Variants in PCDHGA6 observed in about 807,000 individuals in gnomAD.
The protein encoded by PCDHGA6 is protocadherin gamma-A6.
A neutral mutation model predicts 60.6 loss-of-function variants in PCDHGA6; 41 were observed. That is an observed-to-expected ratio of 0.68 (90% CI 0.53 to 0.88). The LOEUF is 0.88. Among genes scored for constraint, PCDHGA6 ranks in the 40% least tolerant of loss-of-function variants. The pLI is 0.00. For synonymous variants in PCDHGA6, 594 were observed against 524.4 expected, an observed-to-expected ratio of 1.13 and a Z score of -1.81; for missense variants, 1,312 against 1,203.0, an observed-to-expected ratio of 1.09 and a Z score of -1.34.
intron 1 of PCDHGA6, chr5:141,440,709 A>C (rs1351127132): frequency 1.3e-5 from 2 of 152,216 alleles, no homozygotes; most frequent in Non-Finnish European, 2.9e-5. Context: ...GTGGAAAGAC[A>C]TATGTTGATC....
chr5:141,381,823 CTTCTTT>C (rs1777514301), intron 1 of PCDHGA6, among the ~76,000 whole-genome samples: 1 of 101,610 alleles, frequency 9.8e-6, no homozygotes, highest in African/African-American at 4.3e-5. Flanking sequence ...TTTCTTTCTT[CTTCTTT>C]TTTTTTTTTT....
chr5:141,393,434 T>C (rs1554093883), intron 1 of PCDHGA6: 5 of 1,613,902 alleles, frequency 3.1e-6, no homozygotes, highest in South Asian at 1.1e-5. Flanking sequence ...AAGAGGCTGC[T>C]CACCACCTGG....
chr5:141,421,031 T>A, intron 1 of PCDHGA6: 1 of 529,760 alleles, frequency 1.9e-6, no homozygotes, highest in Non-Finnish European at 3.3e-6. Context: ...CGCCATTGAG[T>A]CCCTCCCTCC....
intron 1 of PCDHGA6, among the ~76,000 whole-genome samples, chr5:141,484,207 A>G (rs898823095): frequency 2.6e-5 from 4 of 152,218 alleles, no homozygotes; most frequent in Non-Finnish European, 5.9e-5. Context: ...ATCTATGAAC[A>G]TTAGCATTCT....
Position 141,485,943 on chromosome 5 carries a change from C to A in PCDHGA6, c.2425-8864C>A, listed in dbSNP as rs750871245. The A allele has an allele frequency of 1.9e-6, 3 of 1,614,126 alleles. No individual in the cohort carries two copies. Among genetic ancestry groups the A allele is most frequent in the Non-Finnish European group, 1.7e-6 (2 of 1,180,012 alleles). ...ATTAGTGTGTTGGAGAGCGCACCAG[C>A]GGGCATGGTGCTCATCCAGCTCAAT... is the stretch of plus-strand genomic sequence containing the variant. On this transcript the variant is annotated intron_variant, in intron 1 of 3. Coordinates refer to ENST00000517434, the MANE Select transcript of PCDHGA6 (RefSeq NM_018919.3). The surrounding 1 kb of genome is among the most constrained non-coding windows in gnomAD (Gnocchi z 5.7).
intron 1 of PCDHGA6, among the ~76,000 whole-genome samples, chr5:141,382,255 A>C (rs999860225): frequency 6.6e-6 from 1 of 152,204 alleles, no homozygotes. Flanking sequence ...ATCTTGCATC[A>C]TGGTGTCTAG....
At chr5:141,482,205 C>T (rs1478729653) in intron 1 of PCDHGA6, among the ~76,000 whole-genome samples, 1 of 151,896 alleles carries the variant, frequency 6.6e-6, no homozygotes, top group Non-Finnish European at 1.5e-5. Context: ...TAAAACAGAC[C>T]AGGTACTTGT....
intron 1 of PCDHGA6, chr5:141,433,284 C>T: frequency 8.5e-7 from 1 of 1,176,236 alleles, no homozygotes; most frequent in Non-Finnish European, 1.2e-6. Flanking sequence ...GCCTCAAACT[C>T]CTAGGCTCAA....
rs767330174 is a variant in PCDHGA6, at chr5:141,491,818, C to T, written c.2425-2989C>T. The T allele has an allele frequency of 1.6e-5, 24 of 1,481,560 alleles. No homozygotes were observed. The highest frequency in any genetic ancestry group is 1.9e-5 in the Non-Finnish European group (21 of 1,116,446). 91.8% of individuals were successfully genotyped at this position (1,481,560 alleles called of 1,614,324 possible). A position where few individuals can be genotyped will look rare whatever the true frequency, so the allele number is the denominator to read the frequency against. On this transcript the variant is annotated intron_variant, in intron 1 of 3. Transcript: ENST00000517434. This position sits in a 1 kb window ranked among gnomAD's most constrained non-coding sequence, Gnocchi z 6.9. ...CTCCGGCCGGCTTGGTCGCTGGCTGCGCTCCACCCGATTCTCGGGATCATT... is the reference window on the plus strand; with the variant it reads ...CTCCGGCCGGCTTGGTCGCTGGCTGTGCTCCACCCGATTCTCGGGATCATT...
intron 2 of PCDHGA6, among the ~76,000 whole-genome samples, chr5:141,501,365 A>G (rs1360125423): frequency 1.3e-5 from 2 of 151,500 alleles, no homozygotes; most frequent in Admixed American, 6.6e-5. Flanking sequence ...AACCATATTC[A>G]TCATCTCTTA....
chr5:141,383,204 G>A lies in PCDHGA6; in HGVS notation c.2424+6697G>A, dbSNP rs372087170. 3 of 1,613,922 alleles carry A rather than the reference G, an allele frequency of 1.9e-6. No individual in the cohort carries two copies. In the African/African-American group the frequency reaches 4.0e-5, roughly 22 times the overall value. On this transcript the variant is annotated intron_variant, in intron 1 of 3. Coordinates refer to ENST00000517434, the MANE Select transcript of PCDHGA6 (RefSeq NM_018919.3). ...GAGATCTGCGCTCAGAGTGCGCGGTGTCTGGTAAACTTTAACATCCTGATG... is the reference window on the plus strand; with the variant it reads ...GAGATCTGCGCTCAGAGTGCGCGGTATCTGGTAAACTTTAACATCCTGATG...
intron 1 of PCDHGA6, chr5:141,417,791 C>T: frequency 6.7e-7 from 1 of 1,482,658 alleles, no homozygotes; most frequent in Non-Finnish European, 9.0e-7. Context: ...GCCGAATGCT[C>T]TTTTAGCGCG....
In PCDHGA6 at chr5:141,485,822, G is replaced by A. The variant is rs750883983; in HGVS notation, c.2425-8985G>A. 6.2e-7 allele frequency: 1 copy of A among 1,614,192 alleles called. No individual in the cohort carries two copies. The highest frequency in any genetic ancestry group is 1.1e-5 in the South Asian group (1 of 91,080). ...CCGCCTGGTGCTGACTGCTGTCGAT[G>A]GAGGGAACCCGCCGAGATCTGGCAC... On this transcript the variant is annotated intron_variant, in intron 1 of 3. Transcript: ENST00000517434. This position sits in a 1 kb window ranked among gnomAD's most constrained non-coding sequence, Gnocchi z 5.7.
chr5:141,404,909 C>CCT, intron 1 of PCDHGA6: 1 of 1,613,916 alleles, frequency 6.2e-7, no homozygotes, highest in Non-Finnish European at 8.5e-7. Context: ...TGGCCAGCCC[C>CCT]CTCTCTCGGC....
intron 1 of PCDHGA6, chr5:141,475,848 C>T (rs1562050268): frequency 4.4e-6 from 2 of 451,496 alleles, no homozygotes; most frequent in Non-Finnish European, 7.9e-6. Context: ...TCAGAGAGCC[C>T]GGCGCTAGCT....
At position 141,375,561 on chromosome 5, in the gene PCDHGA6, A is replaced by C; in HGVS notation, c.1478A>C (p.Glu493Ala). Residue 493 changes from glutamate (E) to alanine (A), a missense_variant, in exon 1 of 4, where the codon GAA becomes GCA. Glu to Ala is a moderately radical substitution (Grantham distance 107). Transcript: ENST00000517434. ...GCCCAAGTCTCCTACTCACTGGCAGAAGACACCCTCCAGGGGGCGCCCCTG... is the reference window on the plus strand; with the variant it reads ...GCCCAAGTCTCCTACTCACTGGCAGCAGACACCCTCCAGGGGGCGCCCCTG... ...QNAQVSYSLA[E>A]DTLQGAPLSS... is the part of the protein sequence containing the mutation. The C allele has an allele frequency of 6.2e-7, 1 of 1,614,064 alleles. No homozygotes were observed. The highest frequency in any genetic ancestry group is 8.5e-7 in the Non-Finnish European group (1 of 1,179,954).
intron 1 of PCDHGA6, chr5:141,423,762 G>T: frequency 2.3e-5 from 6 of 264,236 alleles, no homozygotes; most frequent in Non-Finnish European, 3.4e-5. Context: ...GGGGGGGGGT[G>T]GGGCGGCATA....
At chr5:141,388,920 A>G in intron 1 of PCDHGA6, 2 of 1,613,996 alleles carry the variant, frequency 1.2e-6, no homozygotes, top group Non-Finnish European at 1.7e-6. Flanking sequence ...CCCAGAAGTG[A>G]TATTCCAGTC....
chr5:141,419,905 T>G (rs916259620), intron 1 of PCDHGA6: 23 of 1,613,978 alleles, frequency 1.4e-5, no homozygotes, highest in Non-Finnish European at 1.9e-5. Context: ...CCACACCCTC[T>G]GACTCCCAGG....
Sources: allele counts gnomAD v4.1 joint callset (sites outside exome capture counted in the v4.1 genomes callset), GRCh38; gene constraint gnomAD v4.1.1; non-coding constraint Gnocchi (gnomAD v3.1); transcripts MANE v1.5; gene names NCBI Gene and HGNC (gene_info 2026-07-23, HGNC 2026-07-21).